Variants in LRRC28 observed in about 807,000 individuals in gnomAD.
LRRC28 encodes the protein leucine-rich repeat-containing protein 28.
A neutral mutation model predicts 45.7 loss-of-function variants in LRRC28; 39 were observed. That is an observed-to-expected ratio of 0.85 (90% confidence interval 0.66 to 1.12). The LOEUF is 1.12. Among genes scored for constraint, LRRC28 ranks in the 50% most tolerant of loss-of-function variants. LRRC28 has a pLI of 0.00. For missense variants in LRRC28, 435 were observed against 438.5 expected (o/e 0.99, Z 0.07); for synonymous variants, 206 against 178.8 (o/e 1.15, Z -1.22).
At chr15:99,335,659 C>T (rs367918802) in intron 6 of LRRC28, among the ~76,000 whole-genome samples, 1 of 152,060 alleles carries the variant, frequency 6.6e-6, no homozygotes, top group East Asian at 1.9e-4. Context: ...CATACCAATA[C>T]CCTGTCTCTA....
intron 9 of LRRC28, among the ~76,000 whole-genome samples, chr15:99,377,742 G>C (rs927805612): frequency 2.6e-5 from 4 of 152,122 alleles, no homozygotes; most frequent in African/African-American, 9.7e-5. Flanking sequence ...AAGGGATCCA[G>C]TTTCAGCTTT....
At chr15:99,355,752 AAACC>A (rs1957031208) in intron 7 of LRRC28, 1 of 152,192 alleles carries the variant, frequency 6.6e-6, no homozygotes, top group Non-Finnish European at 1.5e-5. Context: ...AAAAAAAAAA[AAACC>A]AAGCCACTAC....
chr15:99,259,976 C>T (rs1005015587), intron 2 of LRRC28: 3 of 639,144 alleles, frequency 4.7e-6, no homozygotes, highest in African/African-American at 3.6e-5. Flanking sequence ...TGAAGAAAAA[C>T]AAGAAACAGC....
chr15:99,335,246 C>T (rs1047316287), intron 6 of LRRC28, among the ~76,000 whole-genome samples: 5 of 152,200 alleles, frequency 3.3e-5, no homozygotes, highest in Non-Finnish European at 7.3e-5. Context: ...AATTACAAAT[C>T]TAGAGCTCCA....
intron 9 of LRRC28, among the ~76,000 whole-genome samples, chr15:99,370,428 T>C (rs1643122543): frequency 6.6e-6 from 1 of 152,160 alleles, no homozygotes; most frequent in South Asian, 2.1e-4. Context: ...TTTGGGTGTT[T>C]GCACTAAAAA....
At chr15:99,314,481 AG>A (rs1429554567) in intron 5 of LRRC28, among the ~76,000 whole-genome samples, 1 of 150,388 alleles carries the variant, frequency 6.6e-6, no homozygotes, top group African/African-American at 2.5e-5. Flanking sequence ...AATTTTGTAA[AG>A]ATGTAAGGAG....
intron 5 of LRRC28, among the ~76,000 whole-genome samples, chr15:99,290,127 AT>A (rs1468342425): frequency 5.9e-5 from 9 of 151,394 alleles, no homozygotes; most frequent in Middle Eastern, 3.4e-3. Flanking sequence ...GTGTGGTGGC[AT>A]TGTGCCTATA....
intron 5 of LRRC28, among the ~76,000 whole-genome samples, chr15:99,319,485 C>G (rs1323946767): frequency 2.0e-5 from 3 of 151,994 alleles, no homozygotes; most frequent in Admixed American, 1.3e-4. Flanking sequence ...AATGCCATTT[C>G]TCTCTAGCAG....
At chr15:99,337,428 C>T (rs895891174) in intron 6 of LRRC28, among the ~76,000 whole-genome samples, 2 of 152,254 alleles carry the variant, frequency 1.3e-5, no homozygotes, top group African/African-American at 4.8e-5. Flanking sequence ...CTAGGCTGCT[C>T]TTCTGCCTTG....
intron 9 of LRRC28, among the ~76,000 whole-genome samples, chr15:99,371,052 GCTGAGATCGCGCCA>G (rs1957470459): frequency 6.6e-6 from 1 of 152,044 alleles, no homozygotes; most frequent in African/African-American, 2.4e-5. Context: ...GTTGCAGTGA[GCTGAGATCGCGCCA>G]CTGCACTCCA....
chr15:99,384,508 G>T (rs1221841171), intron 9 of LRRC28: 3 of 152,090 alleles, frequency 2.0e-5, no homozygotes, highest in Admixed American at 6.6e-5. Context: ...TTCACTTAAG[G>T]CCACCATAAA....
Position 99,387,268 on chromosome 15 carries a change from GC to G in LRRC28, c.*1168del, listed in dbSNP as rs1478985568. 2.0e-5 allele frequency: 3 copies of G among 151,656 alleles called. No homozygotes were observed. In the East Asian group the frequency reaches 5.9e-4, roughly 30 times the overall value. The allele number at this position is 151,656 out of a possible 1,614,324, so 9.4% of individuals were successfully genotyped here. ...GTAGAGACGGGGTTTCACCGTGTTA[GC>G]CGGGATGGTCTCGATCTCCTGACCT... is the stretch of plus-strand genomic sequence containing the variant. On this transcript the variant is annotated 3_prime_UTR_variant, in exon 10 of 10. Transcript: ENST00000301981.
chr15:99,370,308 T>C (rs1340272287), intron 9 of LRRC28, among the ~76,000 whole-genome samples: 1 of 152,180 alleles, frequency 6.6e-6, no homozygotes, highest in Non-Finnish European at 1.5e-5. Flanking sequence ...CATAAACTCA[T>C]AAATACAAAA....
At chr15:99,273,933 C>T (rs1016176291) in intron 2 of LRRC28, among the ~76,000 whole-genome samples, 1 of 152,176 alleles carries the variant, frequency 6.6e-6, no homozygotes, top group Non-Finnish European at 1.5e-5. Flanking sequence ...CACTGGTTCC[C>T]TAGTTTTTCT....
chr15:99,280,499 T>G lies in LRRC28; in HGVS notation c.209+3883T>G, dbSNP rs561179600. On this transcript the variant is annotated intron_variant, in intron 3 of 9. Transcript: ENST00000301981. ...ATTAGAATTCTTAGTGACCATTTTTTTTGTTGTTGTTGTTATCAGCACGTT... is the reference window on the plus strand; with the variant it reads ...ATTAGAATTCTTAGTGACCATTTTTGTTGTTGTTGTTGTTATCAGCACGTT... Among the ~76,000 whole-genome samples the G allele has an allele frequency of 3.7e-4, 57 of 152,120 alleles. 1 individual carries two copies. In the South Asian group the frequency reaches 9.4e-3, roughly 25 times the overall value.
At chr15:99,328,954 A>T (rs1956073147) in intron 5 of LRRC28, among the ~76,000 whole-genome samples, 1 of 151,930 alleles carries the variant, frequency 6.6e-6, no homozygotes, top group African/African-American at 2.4e-5. Flanking sequence ...GCTTGCAGAC[A>T]GTCTGTCATG....
Position 99,352,057 on chromosome 15 carries a change from C to T in LRRC28, c.593-312C>T, listed in dbSNP as rs1956897040. 2.6e-5 allele frequency among the ~76,000 whole-genome samples: 4 copies of T among 152,266 alleles called. No individual in the cohort carries two copies. The South Asian group carries it at 8.3e-4, about 32-fold the overall frequency. On this transcript the variant is annotated intron_variant, in intron 6 of 9. Coordinates refer to ENST00000301981, the MANE Select transcript of LRRC28 (RefSeq NM_144598.5). ...AGAAAGGAGGAACCCAATCAGATAT[C>T]CCAAGTGAGGGGTTCTTGCTAAACT...
chr15:99,351,402 T>C (rs1956874243), intron 6 of LRRC28, among the ~76,000 whole-genome samples: 1 of 152,204 alleles, frequency 6.6e-6, no homozygotes, highest in Admixed American at 6.5e-5. Flanking sequence ...AATACCTGAA[T>C]TCTGCCTCTT....
intron 5 of LRRC28, among the ~76,000 whole-genome samples, chr15:99,327,721 A>G (rs922126760): frequency 1.3e-5 from 2 of 151,556 alleles, no homozygotes; most frequent in Non-Finnish European, 2.9e-5. Flanking sequence ...TTTCTATTTC[A>G]TTGATATCTA....
Sources: allele counts gnomAD v4.1 joint callset (sites outside exome capture counted in the v4.1 genomes callset), GRCh38; gene constraint gnomAD v4.1.1; transcripts MANE v1.5; gene names NCBI Gene and HGNC (gene_info 2026-07-23, HGNC 2026-07-21).